Variants in ADAM7 observed in about 807,000 individuals in gnomAD.
The protein encoded by ADAM7 is ADAM metallopeptidase domain 7, also known as disintegrin and metalloproteinase domain-containing protein 7.
In ADAM7, 97 loss-of-function variants were observed where a neutral mutation model predicts 102.9. The ratio of observed to expected loss-of-function variants is 0.94; its 90% CI spans 0.80 to 1.12. The LOEUF (loss-of-function observed/expected upper bound fraction) is 1.12. ADAM7 is among the 50% of genes most tolerant of loss of function. The probability of loss-of-function intolerance (pLI) is 0.00; values close to 1 mark genes in which losing one functional copy is unlikely to be tolerated. For missense variants in ADAM7, 991 were observed against 908.7 expected (o/e 1.09, Z -1.16); for synonymous variants, 334 against 304.4 (o/e 1.10, Z -1.01).
chr8:24,485,168 AT>A, intron 9 of ADAM7, 108 bp from the exon 10 acceptor site: 9 of 982,534 alleles, frequency 9.2e-6, no homozygotes, highest in Non-Finnish European at 1.3e-5. Context: ...ATAAGAAGGC[AT>A]TTTCACATGC....
chr8:24,468,289 T>TG (rs1819495542), intron 6 of ADAM7, among the ~76,000 whole-genome samples: 1 of 148,160 alleles, frequency 6.7e-6, no homozygotes, highest in Admixed American at 6.7e-5. Context: ...ACTCAGTAAA[T>TG]GAAAAAAAAA....
At chr8:24,442,381 C>A in intron 1 of ADAM7, 92 bp from the exon 2 acceptor site, 1 of 862,936 alleles carries the variant, frequency 1.2e-6, no homozygotes, top group Non-Finnish European at 2.0e-6. Context: ...TAACTGGGGG[C>A]AAATGAACTG....
intron 4 of ADAM7, 130 bp downstream of exon 4, chr8:24,464,090 C>A: frequency 1.4e-6 from 1 of 731,130 alleles, no homozygotes; most frequent in Non-Finnish European, 2.2e-6. Context: ...GAATTGATTA[C>A]TCTCACTGAA....
intron 1 of ADAM7, among the ~76,000 whole-genome samples, 161 bp from the exon 2 acceptor site, chr8:24,442,312 T>C (rs375255130): frequency 6.6e-6 from 1 of 152,238 alleles, no homozygotes; most frequent in East Asian, 1.9e-4. Flanking sequence ...AATATCAGTG[T>C]CAATTTCCTT....
intron 20 of ADAM7, chr8:24,506,119 T>C: frequency 6.5e-7 from 1 of 1,550,316 alleles, no homozygotes; most frequent in Non-Finnish European, 8.7e-7. Context: ...TTGGAAAGCC[T>C]GCCCACTAGT....
chr8:24,444,535 G>C (rs1285102828), intron 2 of ADAM7, among the ~76,000 whole-genome samples: 1 of 151,926 alleles, frequency 6.6e-6, no homozygotes, highest in Non-Finnish European at 1.5e-5. Context: ...GGCTAGTAGG[G>C]TGTAATAAAA....
intron 2 of ADAM7, among the ~76,000 whole-genome samples, chr8:24,445,445 C>T (rs190861566): frequency 2.0e-5 from 3 of 152,312 alleles, no homozygotes; most frequent in Admixed American, 6.5e-5. Context: ...TAGCACAGCT[C>T]TACAAGTTAA....
At chr8:24,501,338 A>G in intron 19 of ADAM7, 139 bp from the exon 20 acceptor site, 1 of 587,630 alleles carries the variant, frequency 1.7e-6, no homozygotes, top group Non-Finnish European at 2.9e-6. Flanking sequence ...ATAAAAAAGC[A>G]TTATTTCAAT....
Position 24,482,314 on chromosome 8 carries a change from T to C in ADAM7, c.875+3T>C. ...TTTGATCATGTTGTATTACTCAGGTTGGTGATTGCTCTATTTTCTTGCATA... is the reference window on the plus strand; with the variant it reads ...TTTGATCATGTTGTATTACTCAGGTCGGTGATTGCTCTATTTTCTTGCATA... On this transcript the variant is annotated splice_donor_region_variant and intron_variant, in intron 9 of 21. Coordinates refer to ENST00000175238, the MANE Select transcript of ADAM7 (RefSeq NM_003817.4). The C allele has an allele frequency of 6.2e-7, 1 of 1,602,600 alleles. No individual in the cohort carries two copies. The highest frequency in any genetic ancestry group is 8.5e-7 in the Non-Finnish European group (1 of 1,176,792).
At chr8:24,450,488 G>C (rs1018315420) in intron 3 of ADAM7, among the ~76,000 whole-genome samples, 4 of 151,452 alleles carry the variant, frequency 2.6e-5, no homozygotes, top group African/African-American at 7.3e-5. Context: ...TGTGATTTTT[G>C]TACATTGATT....
intron 15 of ADAM7, among the ~76,000 whole-genome samples, 190 bp downstream of exon 15, chr8:24,492,787 T>A (rs1403412748): frequency 1.3e-5 from 2 of 152,326 alleles, no homozygotes; most frequent in Middle Eastern, 3.4e-3. Context: ...TATTCCCCTG[T>A]AAACTTAAGC....
At chr8:24,487,344 C>A in intron 11 of ADAM7, 27 bp downstream of exon 11, 1 of 1,608,474 alleles carries the variant, frequency 6.2e-7, no homozygotes, top group Non-Finnish European at 8.5e-7. Flanking sequence ...GTACAGAATA[C>A]ACTTACATAA....
At chr8:24,495,503 A>C (rs1368190747) in intron 16 of ADAM7, among the ~76,000 whole-genome samples, 2 of 152,246 alleles carry the variant, frequency 1.3e-5, no homozygotes, top group Non-Finnish European at 2.9e-5. Context: ...ATACTGGAAT[A>C]AAAATATTCA....
In ADAM7 at chr8:24,508,865, G is replaced by T; in HGVS notation, c.*319G>T. ...AAAATGTTACTCTGCTTTCTTTTAA[G>T]AATCCAAACTTTAAGGATGATAACT... On this transcript the variant is annotated 3_prime_UTR_variant, in exon 22 of 22. Coordinates refer to ENST00000175238, the MANE Select transcript of ADAM7 (RefSeq NM_003817.4). The T allele has an allele frequency of 3.4e-6, 4 of 1,174,842 alleles. No homozygotes were observed. The highest frequency in any genetic ancestry group is 4.2e-6 in the Non-Finnish European group (4 of 952,120). 72.8% of individuals were successfully genotyped at this position (1,174,842 alleles called of 1,614,324 possible).
At chr8:24,442,376 G>T in intron 1 of ADAM7, 97 bp from the exon 2 acceptor site, 1 of 835,020 alleles carries the variant, frequency 1.2e-6, no homozygotes, top group Admixed American at 1.7e-5. Flanking sequence ...GCTGCTAACT[G>T]GGGGCAAATG....
Position 24,476,642 on chromosome 8 carries a change from C to A in ADAM7, c.705+138C>A, listed in dbSNP as rs140840518. ...ACAAAGACTAATAAGCAAAAATCCA[C>A]GGGAAAAAATAATAACAACAAACCA... On this transcript the variant is annotated intron_variant, in intron 8 of 21. Transcript: ENST00000175238. The A allele has an allele frequency of 6.7e-4, 342 of 508,570 alleles. 2 individuals carry two copies. Among genetic ancestry groups the A allele is most frequent in the African/African-American group, 6.1e-3 (307 of 50,688 alleles). The allele number at this position is 508,570 out of a possible 1,614,324, so 31.5% of individuals were successfully genotyped here.
In ADAM7 at chr8:24,487,259, C is replaced by A; in HGVS notation, c.1033C>A (p.His345Asn). The change falls in exon 11 of 22, where the codon CAT becomes AAT. Residue 345 changes from histidine to asparagine, a missense_variant. Transcript: ENST00000175238. The part of the protein sequence containing the change: ...HQLGHNLGMQ[H>N]DEFPCTCPSG... Reference sequence around the variant, plus strand: ...ACTGGGGCATAACCTTGGGATGCAGCATGACGAGTTCCCATGCACCTGTCC... The same window carrying A: ...ACTGGGGCATAACCTTGGGATGCAGAATGACGAGTTCCCATGCACCTGTCC... 1 of 1,613,894 alleles carries A rather than the reference C, an allele frequency of 6.2e-7. No individual in the cohort carries two copies. The highest frequency in any genetic ancestry group is 8.5e-7 in the Non-Finnish European group (1 of 1,179,870).
At chr8:24,464,472 C>T (rs1819357954) in intron 4 of ADAM7, among the ~76,000 whole-genome samples, 1 of 152,060 alleles carries the variant, frequency 6.6e-6, no homozygotes, top group Non-Finnish European at 1.5e-5. Flanking sequence ...AATCTAGATA[C>T]AGATTTTATT....
intron 3 of ADAM7, among the ~76,000 whole-genome samples, chr8:24,463,033 C>T (rs1014220870): frequency 1.3e-5 from 2 of 152,154 alleles, no homozygotes; most frequent in Non-Finnish European, 1.5e-5. Flanking sequence ...ATAGCAGCCA[C>T]ATATATGGCC....
Sources: allele counts gnomAD v4.1 joint callset (sites outside exome capture counted in the v4.1 genomes callset), GRCh38; gene constraint gnomAD v4.1.1; transcripts MANE v1.5; gene names NCBI Gene and HGNC (gene_info 2026-07-23, HGNC 2026-07-21).